The following PTPN12 variants were observed in gnomAD, a reference collection of about 807,000 sequenced individuals.
The protein encoded by PTPN12 is protein tyrosine phosphatase non-receptor type 12, also known as tyrosine-protein phosphatase non-receptor type 12.
A neutral mutation model predicts 97.6 loss-of-function variants in PTPN12; 29 were observed. The ratio of observed to expected loss-of-function variants is 0.30; its 90% CI spans 0.22 to 0.41. PTPN12 has a LOEUF of 0.41. Ranked by LOEUF, PTPN12 falls within the 10% of genes least tolerant of loss-of-function variation. PTPN12 has a pLI of 1.00. For synonymous variants in PTPN12, 327 were observed against 300.4 expected (o/e 1.09, Z -0.91); for missense variants, 819 against 926.0 (o/e 0.88, Z 1.50).
In PTPN12 at chr7:77,627,477, C is replaced by G; in HGVS notation, c.1798C>G (p.Pro600Ala). ...LFRTPLSFTN[P>A]LHSDDSDSDE... The stretch of plus-strand genomic sequence containing the variant: ...CAGAACACCCCTCAGTTTTACTAAT[C>G]CACTTCACTCTGATGACTCAGACTC... The change falls in exon 13 of 18, where the codon CCA becomes GCA. Residue 600 changes from proline to alanine, a missense_variant. Transcript: ENST00000248594. 7 of 1,613,620 alleles carry G rather than the reference C, an allele frequency of 4.3e-6. No individual in the cohort carries two copies. The highest frequency in any genetic ancestry group is 2.5e-6 in the Non-Finnish European group (3 of 1,179,642).
chr7:77,592,315 T>C, intron 6 of PTPN12, 59 bp downstream of exon 6: 1 of 1,320,894 alleles, frequency 7.6e-7, no homozygotes, highest in Non-Finnish European at 1.1e-6. Flanking sequence ...TACTGATGAA[T>C]AATTAAATTA....
chr7:77,622,452 G>GTAA (rs1430284596), intron 12 of PTPN12, among the ~76,000 whole-genome samples: 1 of 151,968 alleles, frequency 6.6e-6, no homozygotes. Flanking sequence ...AGAACTGTGG[G>GTAA]TAATAAGTAA....
intron 12 of PTPN12, among the ~76,000 whole-genome samples, chr7:77,625,821 T>C (rs1789159080): frequency 6.6e-6 from 1 of 151,806 alleles, no homozygotes; most frequent in Non-Finnish European, 1.5e-5. Flanking sequence ...CCACCCACCT[T>C]GGCCTCCCAA....
At chr7:77,601,376 A>C (rs1422528979) in intron 8 of PTPN12, among the ~76,000 whole-genome samples, 1 of 152,052 alleles carries the variant, frequency 6.6e-6, no homozygotes, top group Non-Finnish European at 1.5e-5. Flanking sequence ...AATTAAAAAA[A>C]ATTTTTTTTA....
intron 6 of PTPN12, among the ~76,000 whole-genome samples, chr7:77,595,614 G>A (rs1260598477): frequency 6.6e-6 from 1 of 152,176 alleles, no homozygotes; most frequent in Non-Finnish European, 1.5e-5. Flanking sequence ...CAATAGCAAA[G>A]TTGTGTAGAC....
At position 77,638,685 on chromosome 7, in the gene PTPN12, CAA is replaced by C; in HGVS notation, c.2236_2237del (p.Lys746GlufsTer18). On this transcript the variant is annotated frameshift_variant, in exon 17 of 18. Transcript: ENST00000248594. LOFTEE classifies it high-confidence loss of function. Reference protein sequence around the residue: ...CIECPPTFSDKREQISENPTE... With the variant: ...CIECPPTFSDXREQISENPTE... ...TAGAATGTCCACCTACTTTCAGTGA[CAA>C]GAGAGAACAAATATCAGAAAATCCA... 4 of 1,607,202 alleles carry C rather than the reference CAA, an allele frequency of 2.5e-6. No homozygotes were observed. Among genetic ancestry groups the C allele is most frequent in the Non-Finnish European group, 2.5e-6 (3 of 1,177,878 alleles).
intron 2 of PTPN12, among the ~76,000 whole-genome samples, chr7:77,576,127 T>G (rs1345035269): frequency 4.6e-5 from 7 of 152,246 alleles, no homozygotes; most frequent in African/African-American, 1.7e-4. Context: ...GTGCTGGGAT[T>G]ACAGGCTTGA....
intron 5 of PTPN12, among the ~76,000 whole-genome samples, chr7:77,589,805 C>G (rs1787808683): frequency 6.6e-6 from 1 of 152,022 alleles, no homozygotes; most frequent in Non-Finnish European, 1.5e-5. Flanking sequence ...ATGTCATTCT[C>G]CTAATGTTTT....
Position 77,559,604 on chromosome 7 carries a change from A to G in PTPN12, c.100-11474A>G, listed in dbSNP as rs112424099. Among the ~76,000 whole-genome samples, 856 of 152,354 alleles carry G rather than the reference A, an allele frequency of 5.6e-3. 16 individuals are homozygous for G. The highest frequency in any genetic ancestry group is 0.019 in the African/African-American group (776 of 41,590). ...CACTTCCAGTTTTTATTACCTTCAT[A>G]TGTCAATAGGATGCTAAACCACAGA... is the stretch of plus-strand genomic sequence containing the variant. On this transcript the variant is annotated intron_variant, in intron 1 of 17. Coordinates refer to ENST00000248594, the MANE Select transcript of PTPN12 (RefSeq NM_002835.4).
At chr7:77,574,208 AG>A (rs1191762834) in intron 2 of PTPN12, among the ~76,000 whole-genome samples, 1 of 152,194 alleles carries the variant, frequency 6.6e-6, no homozygotes, top group Non-Finnish European at 1.5e-5. Context: ...AATGAGGGAT[AG>A]GGAGAAAGCA....
chr7:77,596,308 A>G (rs1434751895), intron 6 of PTPN12, among the ~76,000 whole-genome samples: 1 of 149,888 alleles, frequency 6.7e-6, no homozygotes, highest in African/African-American at 2.5e-5. Context: ...TGATTCCCAA[A>G]TTCACTTCTC....
At chr7:77,584,876 C>CA (rs932401569) in intron 4 of PTPN12, among the ~76,000 whole-genome samples, 5,268 of 88,356 alleles carry the variant, frequency 0.06, 160 homozygotes, top group African/African-American at 0.13. Context: ...GACTCCGTCT[C>CA]AAAAAAAAAA....
Position 77,639,398 on chromosome 7 carries a change from T to G in PTPN12, c.*118T>G, listed in dbSNP as rs1336756817. ...CTAACAGCAGTGTAGATTGTTACCTTAATATTTTTTGCTGGGACCATCTAC... is the reference window on the plus strand; with the variant it reads ...CTAACAGCAGTGTAGATTGTTACCTGAATATTTTTTGCTGGGACCATCTAC... On this transcript the variant is annotated 3_prime_UTR_variant, in exon 18 of 18. Transcript: ENST00000248594. 2 of 791,528 alleles carry G rather than the reference T, an allele frequency of 2.5e-6. No individual in the cohort carries two copies. The highest frequency in any genetic ancestry group is 3.5e-5 in the African/African-American group (2 of 57,164). 49.0% of individuals were successfully genotyped at this position (791,528 alleles called of 1,614,324 possible).
intron 1 of PTPN12, among the ~76,000 whole-genome samples, chr7:77,539,816 G>A (rs1413760465): frequency 6.6e-6 from 1 of 151,914 alleles, no homozygotes; most frequent in East Asian, 1.9e-4. Flanking sequence ...AAGTAGCCGG[G>A]ACTACAGGCG....
intron 12 of PTPN12, among the ~76,000 whole-genome samples, chr7:77,624,230 G>C (rs184056963): frequency 6.6e-6 from 1 of 151,040 alleles, no homozygotes; most frequent in Admixed American, 6.6e-5. Flanking sequence ...TAGTGCAACT[G>C]TACTCCAGCC....
Position 77,618,554 on chromosome 7 carries a change from A to C in PTPN12, c.1014A>C (p.Pro338=), listed in dbSNP as rs1205813352. ...AAGATTCTCCTCCTCCAAAACCACC[A>C]AGGACCCGCAGGTATTGTATGTCTT... The part of the protein sequence containing the change: ...EKQDSPPPKP[P]RTRSCLVEGD... Residue 338 remains proline (P), a synonymous_variant, in exon 12 of 18, where the codon CCA becomes CCC. Coordinates refer to ENST00000248594, the MANE Select transcript of PTPN12 (RefSeq NM_002835.4). 6.2e-7 allele frequency: 1 copy of C among 1,600,778 alleles called. No individual in the cohort carries two copies. Among genetic ancestry groups the C allele is most frequent in the Non-Finnish European group, 8.6e-7 (1 of 1,168,762 alleles).
intron 15 of PTPN12, 141 bp downstream of exon 15, chr7:77,635,990 G>C (rs1002554500): frequency 3.0e-5 from 16 of 533,564 alleles, no homozygotes; most frequent in African/African-American, 2.9e-4. Context: ...CTTATACTAA[G>C]ATTTCAGATG....
chr7:77,583,689 C>T (rs754472194), intron 4 of PTPN12, 39 bp downstream of exon 4: 1 of 1,294,106 alleles, frequency 7.7e-7, no homozygotes, highest in Non-Finnish European at 1.1e-6. Context: ...TTGAGAAATA[C>T]TTATGTAATA....
intron 1 of PTPN12, among the ~76,000 whole-genome samples, chr7:77,563,376 C>A (rs1808083242): frequency 6.6e-6 from 1 of 152,284 alleles, no homozygotes; most frequent in East Asian, 1.9e-4. Flanking sequence ...AATTCGTGTT[C>A]TATCAGGGAT....
Sources: allele counts gnomAD v4.1 joint callset (sites outside exome capture counted in the v4.1 genomes callset), GRCh38; gene constraint gnomAD v4.1.1; transcripts MANE v1.5; gene names NCBI Gene and HGNC (gene_info 2026-07-23, HGNC 2026-07-21).